Variants in PDE4D observed in about 807,000 individuals in gnomAD.
The protein encoded by PDE4D is 3',5'-cyclic-AMP phosphodiesterase 4D.
A neutral mutation model predicts 87.4 loss-of-function variants in PDE4D; 24 were observed. The ratio of observed to expected loss-of-function variants is 0.27; its 90% confidence interval spans 0.20 to 0.39. The LOEUF is 0.39. Among genes scored for constraint, PDE4D ranks in the 10% least tolerant of loss-of-function variants. PDE4D has a pLI of 1.00. For synonymous variants in PDE4D, 384 were observed against 383.2 expected (o/e 1.00, Z -0.02); for missense variants, 714 against 1,041.0 (o/e 0.69, Z 4.32).
intron 5 of PDE4D, among the ~76,000 whole-genome samples, chr5:59,101,848 A>T (rs2153433880): frequency 6.6e-6 from 1 of 152,260 alleles, no homozygotes; most frequent in East Asian, 1.9e-4. Context: ...CAATTAGACG[A>T]CAAAGTCAGC....
chr5:59,090,651 G>A lies in PDE4D; in HGVS notation c.809-51680C>T, dbSNP rs545044784. Among the ~76,000 whole-genome samples, 8 of 152,144 alleles carry A rather than the reference G, an allele frequency of 5.3e-5. No individual in the cohort carries two copies. The South Asian group carries it at 1.7e-3, about 32-fold the overall frequency. ...CTGTATTATAAAAATGTTGGGTAGA[G>A]ATGCCAAAAGTTGTAGGGTAGGAAA... On this transcript the variant is annotated intron_variant, in intron 5 of 14. Coordinates refer to ENST00000340635, the MANE Select transcript of PDE4D (RefSeq NM_001104631.2).
intron 1 of PDE4D, among the ~76,000 whole-genome samples, chr5:59,742,065 G>C (rs766520643): frequency 2.0e-5 from 3 of 151,884 alleles, no homozygotes; most frequent in South Asian, 2.1e-4. Flanking sequence ...TCTTCTTTTG[G>C]GGGGAGGGTA....
chr5:60,316,827 A>G (rs1321788347), intron 1 of PDE4D, among the ~76,000 whole-genome samples: 1 of 152,214 alleles, frequency 6.6e-6, no homozygotes, highest in African/African-American at 2.4e-5. Flanking sequence ...CTTGCATCCC[A>G]GGGATGAAGC....
At chr5:59,088,452 A>G (rs1768106162) in intron 5 of PDE4D, among the ~76,000 whole-genome samples, 2 of 152,230 alleles carry the variant, frequency 1.3e-5, no homozygotes, top group African/African-American at 4.8e-5. Flanking sequence ...ATTTCTGGGT[A>G]TATGCCCAAA....
In PDE4D at chr5:59,798,794, G is replaced by A. The variant is rs922587375; in HGVS notation, c.455+94374C>T. On this transcript the variant is annotated intron_variant, in intron 1 of 14. Coordinates refer to ENST00000340635, the MANE Select transcript of PDE4D (RefSeq NM_001104631.2). Reference sequence around the variant, plus strand: ...AAGTTTTGTTTTGTTGGGGCAGAGGGAAGGCTGGTGGTTGGGAAAACTAAG... The same window carrying A: ...AAGTTTTGTTTTGTTGGGGCAGAGGAAAGGCTGGTGGTTGGGAAAACTAAG... 3.3e-5 allele frequency among the ~76,000 whole-genome samples: 5 copies of A among 152,304 alleles called. No homozygotes were observed. The East Asian group carries it at 7.7e-4, about 24-fold the overall frequency.
rs79728222 is a variant in PDE4D at position 59,494,846 on chromosome 5, G to A, written c.456-278878C>T. On this transcript the variant is annotated intron_variant, in intron 1 of 14. Transcript: ENST00000340635. The stretch of plus-strand genomic sequence containing the variant: ...GTGATTGGTGCGGACTACAAGCTGA[G>A]CCCAAACCTTATTCCTCACTTGGAG... Among the ~76,000 whole-genome samples the A allele has an allele frequency of 4.4e-3, 667 of 152,242 alleles. 3 individuals carry two copies. The highest frequency in any genetic ancestry group is 0.015 in the African/African-American group (615 of 41,538).
chr5:59,747,564 G>C (rs182795549), intron 1 of PDE4D, among the ~76,000 whole-genome samples: 1 of 152,182 alleles, frequency 6.6e-6, no homozygotes, highest in Non-Finnish European at 1.5e-5. Context: ...TCCTCCCAGA[G>C]ATGATGGATC....
At chr5:59,641,123 T>C (rs1561385750) in intron 1 of PDE4D, among the ~76,000 whole-genome samples, 1 of 152,160 alleles carries the variant, frequency 6.6e-6, no homozygotes, top group Non-Finnish European at 1.5e-5. Context: ...CCTAGTTTAT[T>C]TTAGAAAGCC....
At chr5:59,235,376 T>G (rs1319381832) in intron 1 of PDE4D, among the ~76,000 whole-genome samples, 1 of 152,192 alleles carries the variant, frequency 6.6e-6, no homozygotes, top group Admixed American at 6.5e-5. Context: ...TCACAGGCAT[T>G]GTTCAGTGGA....
chr5:59,348,196 A>T (rs2153585230), intron 1 of PDE4D, among the ~76,000 whole-genome samples: 1 of 152,328 alleles, frequency 6.6e-6, no homozygotes, highest in East Asian at 1.9e-4. Context: ...TAAACAAATT[A>T]TATTAAAAAC....
At chr5:59,220,864 T>C (rs915077018) in intron 1 of PDE4D, among the ~76,000 whole-genome samples, 1 of 147,798 alleles carries the variant, frequency 6.8e-6, no homozygotes, top group African/African-American at 2.5e-5. Flanking sequence ...CACAGCCAAT[T>C]AGATGGAGCC....
chr5:60,061,076 G>GC (rs1771352141), intron 2 of PDE4D, among the ~76,000 whole-genome samples: 1 of 152,000 alleles, frequency 6.6e-6, no homozygotes, highest in Non-Finnish European at 1.5e-5. Flanking sequence ...GGATGTTCTG[G>GC]CCAGGGCAAT....
At chr5:59,855,257 G>T (rs958580875) in intron 1 of PDE4D, among the ~76,000 whole-genome samples, 2 of 152,098 alleles carry the variant, frequency 1.3e-5, no homozygotes, top group African/African-American at 4.8e-5. Context: ...ACACTATCAC[G>T]CTTCCTCTAG....
chr5:59,903,191 T>C (rs999341079), intron 3 of PDE4D, among the ~76,000 whole-genome samples: 6 of 152,296 alleles, frequency 3.9e-5, no homozygotes, highest in Admixed American at 2.6e-4. Flanking sequence ...CTTTAAAATA[T>C]AATATTCCTT....
chr5:60,154,836 T>C (rs1017313037), intron 2 of PDE4D, among the ~76,000 whole-genome samples: 3 of 152,230 alleles, frequency 2.0e-5, no homozygotes, highest in Non-Finnish European at 4.4e-5. Context: ...TCATATAGTA[T>C]GCATTCTTTT....
intron 1 of PDE4D, among the ~76,000 whole-genome samples, chr5:60,323,515 C>T (rs541733594): frequency 2.0e-5 from 3 of 152,312 alleles, no homozygotes; most frequent in Admixed American, 2.0e-4. Flanking sequence ...AAAGCTCTAT[C>T]ATATCTGGCC....
intron 1 of PDE4D, among the ~76,000 whole-genome samples, chr5:59,696,510 G>A (rs1751805544): frequency 6.6e-6 from 1 of 152,122 alleles, no homozygotes; most frequent in Admixed American, 6.6e-5. Flanking sequence ...GGAAAGAGAG[G>A]GTAAGAATGG....
chr5:60,468,137 C>CTTTTTTTTTTTTTTTTTTTTT (rs570783072), intron 1 of PDE4D, among the ~76,000 whole-genome samples: 5 of 141,216 alleles, frequency 3.5e-5, no homozygotes, highest in African/African-American at 1.4e-4. Context: ...TTTCTTTTTT[C>CTTTTTTTTTTTTTTTTTTTTT]TTTTTTTTTT....
At chr5:60,291,333 C>T (rs185898413) in intron 1 of PDE4D, among the ~76,000 whole-genome samples, 24 of 152,114 alleles carry the variant, frequency 1.6e-4, no homozygotes, top group Non-Finnish European at 2.1e-4. Flanking sequence ...GAATGTTATC[C>T]GCTATCCAGG....
Sources: allele counts gnomAD v4.1 joint callset (sites outside exome capture counted in the v4.1 genomes callset), GRCh38; gene constraint gnomAD v4.1.1; transcripts MANE v1.5; gene names NCBI Gene and HGNC (gene_info 2026-07-23, HGNC 2026-07-21).